ITPR1: variants seen among roughly 807,000 people sequenced by gnomAD.
ITPR1 encodes the protein inositol 1,4,5-trisphosphate-gated calcium channel ITPR1.
A neutral mutation model predicts 318.4 loss-of-function variants in ITPR1; 96 were observed. The ratio of observed to expected loss-of-function variants is 0.30; its 90% CI spans 0.26 to 0.36. The LOEUF (loss-of-function observed/expected upper bound fraction) is 0.36. Ranked by LOEUF, ITPR1 falls within the 10% of genes least tolerant of loss-of-function variation. The pLI, the probability that ITPR1 is intolerant of heterozygous loss-of-function variation, is 1.00. For synonymous variants in ITPR1, 1,312 were observed against 1,289.9 expected, an observed-to-expected ratio of 1.02 and a Z score of -0.37; for missense variants, 2,440 against 3,460.2, an observed-to-expected ratio of 0.71 and a Z score of 7.40.
chr3:4,803,068 G>A (rs576322346), intron 54 of ITPR1, among the ~76,000 whole-genome samples: 23 of 152,306 alleles, frequency 1.5e-4, no homozygotes, highest in African/African-American at 5.5e-4. Context: ...TTCTGGGGAG[G>A]CCTCAGGGAG....
chr3:4,630,594 T>C (rs1238948722), intron 5 of ITPR1, among the ~76,000 whole-genome samples: 1 of 148,746 alleles, frequency 6.7e-6, no homozygotes, highest in African/African-American at 2.5e-5. Context: ...TTATTATTAT[T>C]ATTATTTTTA....
intron 61 of ITPR1, among the ~76,000 whole-genome samples, chr3:4,839,004 G>T (rs142737587): frequency 2.0e-5 from 3 of 152,352 alleles, no homozygotes; most frequent in Non-Finnish European, 4.4e-5. Context: ...CATCAAAGGA[G>T]TGAGTTGAGC....
At chr3:4,657,470 T>C (rs889950449) in intron 12 of ITPR1, among the ~76,000 whole-genome samples, 1 of 126,338 alleles carries the variant, frequency 7.9e-6, no homozygotes, top group Non-Finnish European at 1.6e-5. Context: ...TTTTGAAAGA[T>C]TTTTTTTTTT....
intron 36 of ITPR1, 55 bp downstream of exon 36, chr3:4,703,005 A>T: frequency 2.5e-6 from 4 of 1,577,492 alleles, no homozygotes; most frequent in Non-Finnish European, 2.6e-6. Context: ...GTCTGACAGT[A>T]GTAAGGCTGC....
chr3:4,611,789 G>T lies in ITPR1; in HGVS notation c.164-15974G>T, dbSNP rs145982261. On this transcript the variant is annotated intron_variant, in intron 4 of 61. Transcript: ENST00000649015. ...CTTGCTTTGAATTCAATGAATACTTGCTTGGTTTTTATGAAAATTTTACAC... is the reference window on the plus strand; with the variant it reads ...CTTGCTTTGAATTCAATGAATACTTTCTTGGTTTTTATGAAAATTTTACAC... Among the ~76,000 whole-genome samples the T allele has an allele frequency of 5.7e-3, 870 of 152,060 alleles. 8 individuals are homozygous for T. Among genetic ancestry groups the T allele is most frequent in the African/African-American group, 0.02 (832 of 41,500 alleles).
At chr3:4,641,289 A>T (rs1329301157) in intron 6 of ITPR1, among the ~76,000 whole-genome samples, 1 of 152,186 alleles carries the variant, frequency 6.6e-6, no homozygotes, top group Non-Finnish European at 1.5e-5. Context: ...TCATGTAATT[A>T]TTACCCCAAA....
chr3:4,619,388 T>C (rs1005198581), intron 4 of ITPR1, among the ~76,000 whole-genome samples: 1 of 152,164 alleles, frequency 6.6e-6, no homozygotes. Flanking sequence ...GACCTATGGA[T>C]TGTTCTGTAA....
chr3:4,641,668 G>A (rs1042647526), intron 6 of ITPR1, among the ~76,000 whole-genome samples: 3 of 152,162 alleles, frequency 2.0e-5, no homozygotes, highest in East Asian at 1.9e-4. Context: ...GAGCCACTTC[G>A]CCTGGCCCTG....
chr3:4,624,119 C>T (rs900579802), intron 4 of ITPR1, among the ~76,000 whole-genome samples: 17 of 152,090 alleles, frequency 1.1e-4, no homozygotes, highest in African/African-American at 4.1e-4. Context: ...CTGAGTGTCC[C>T]CCACATCTAC....
intron 46 of ITPR1, among the ~76,000 whole-genome samples, chr3:4,773,141 C>T (rs1255053516): frequency 6.6e-6 from 1 of 152,216 alleles, no homozygotes; most frequent in Non-Finnish European, 1.5e-5. Flanking sequence ...GAAGAGGCGA[C>T]TTGCGATGCT....
At chr3:4,799,543 G>A (rs549961259) in intron 53 of ITPR1, among the ~76,000 whole-genome samples, 2 of 152,332 alleles carry the variant, frequency 1.3e-5, no homozygotes, top group African/African-American at 4.8e-5. Context: ...CATCTCTGAA[G>A]AAGTGAAGCT....
chr3:4,814,666 A>T (rs2049172919), intron 58 of ITPR1, 104 bp downstream of exon 58: 1 of 1,048,046 alleles, frequency 9.5e-7, no homozygotes, highest in Non-Finnish European at 1.4e-6. Flanking sequence ...GCAGAGGAAG[A>T]GCTGGGAGTA....
At chr3:4,685,643 G>A (rs1180354630) in intron 30 of ITPR1, among the ~76,000 whole-genome samples, 1 of 152,228 alleles carries the variant, frequency 6.6e-6, no homozygotes. Context: ...GCTGACATCT[G>A]CTTAAGTATT....
rs1194125526 is a variant in ITPR1 at position 4,826,096 on chromosome 3, G to A, written c.8028+7854G>A. ...CCTGGTCTGACCTTTCTGCCCGCCT[G>A]TGCACCTCCTCTGTGCATGAAGCAG... On this transcript the variant is annotated intron_variant, in intron 60 of 61. Transcript: ENST00000649015. This position sits in a 1 kb window ranked among gnomAD's most constrained non-coding sequence, Gnocchi z 4.2. Among the ~76,000 whole-genome samples, 2 of 152,236 alleles carry A rather than the reference G, an allele frequency of 1.3e-5. No individual in the cohort carries two copies. The highest frequency in any genetic ancestry group is 2.4e-5 in the African/African-American group (1 of 41,458).
Position 4,645,464 on chromosome 3 carries a change from A to G in ITPR1, c.702A>G (p.Leu234=). 1 of 1,612,060 alleles carries G rather than the reference A, an allele frequency of 6.2e-7. No individual in the cohort carries two copies. The highest frequency in any genetic ancestry group is 8.5e-7 in the Non-Finnish European group (1 of 1,178,222). The change falls in exon 9 of 62, where the codon TTA becomes TTG. Residue 234 remains leucine, a synonymous_variant. Transcript: ENST00000649015. ...MKWSDNKDDI[L]KGGDVVRLFH... ...GGAGTGATAACAAAGACGACATATT[A>G]AAGGGGGTGAGTTTGATGCTTTATG...
At chr3:4,605,505 C>T (rs2091641883) in intron 4 of ITPR1, among the ~76,000 whole-genome samples, 1 of 152,116 alleles carries the variant, frequency 6.6e-6, no homozygotes, top group African/African-American at 2.4e-5. Context: ...GGGGTCATAT[C>T]AGAGAATTGT....
At chr3:4,597,075 T>C (rs923955047) in intron 4 of ITPR1, among the ~76,000 whole-genome samples, 2 of 152,234 alleles carry the variant, frequency 1.3e-5, no homozygotes, top group Admixed American at 6.5e-5. Flanking sequence ...GGTCTTCTTA[T>C]TCGCCTCCAG....
At position 4,645,552 on chromosome 3, in the gene ITPR1, T is replaced by C. The variant is rs1338249331; in HGVS notation, c.709-30T>C. 4 of 1,610,340 alleles carry C rather than the reference T, an allele frequency of 2.5e-6. No homozygotes were observed. In the African/African-American group the frequency reaches 4.0e-5, roughly 16 times the overall value. ...CTAATTCTCTTTTTAAATTCTTTTT[T>C]CCTTAATTCTTTCTTGTGTTGACTG... On this transcript the variant is annotated intron_variant, in intron 9 of 61. Coordinates refer to ENST00000649015, the MANE Select transcript of ITPR1 (RefSeq NM_001378452.1).
chr3:4,565,899 T>G (rs906685102), intron 4 of ITPR1, among the ~76,000 whole-genome samples: 5 of 152,230 alleles, frequency 3.3e-5, no homozygotes, highest in African/African-American at 1.2e-4. Flanking sequence ...TATTGATGTT[T>G]GAGAACATTG....
Sources: gnomAD v4.1 joint callset for allele counts (sites outside exome capture counted in the v4.1 genomes callset) on GRCh38, gnomAD v4.1.1 for gene constraint, Gnocchi (gnomAD v3.1) non-coding constraint, MANE v1.5 for transcripts, NCBI Gene and HGNC (gene_info 2026-07-23, HGNC 2026-07-21) for gene names.